The following PROX1 variants were observed in gnomAD, a reference collection of about 807,000 sequenced individuals.
The protein encoded by PROX1 is prospero homeobox 1.
Under a neutral mutation model 58.8 loss-of-function variants are expected in PROX1, and 7 were observed. The observed-to-expected ratio is 0.12, with a 90% confidence interval of 0.07 to 0.22. PROX1 has a LOEUF of 0.22. Ranked by LOEUF, PROX1 falls within the 10% of genes least tolerant of loss-of-function variation. The pLI is 1.00. For missense variants in PROX1, 675 were observed against 927.8 expected (o/e 0.73, Z 3.54); for synonymous variants, 350 against 358.3 (o/e 0.98, Z 0.26).
intron 3 of PROX1, among the ~76,000 whole-genome samples, chr1:214,006,594 T>G (rs1663722530): frequency 6.6e-6 from 1 of 152,136 alleles, no homozygotes; most frequent in African/African-American, 2.4e-5. Flanking sequence ...GGGTTTGGGC[T>G]TTGTAGAGGA....
At chr1:214,027,948 T>C (rs1202302470) in intron 4 of PROX1, among the ~76,000 whole-genome samples, 1 of 151,956 alleles carries the variant, frequency 6.6e-6, no homozygotes, top group Non-Finnish European at 1.5e-5. Flanking sequence ...GGTTTTTTTT[T>C]TTCTTAAGAC....
At chr1:214,005,373 C>A in intron 3 of PROX1, 101 bp downstream of exon 3, 1 of 871,524 alleles carries the variant, frequency 1.1e-6, no homozygotes, top group Non-Finnish European at 1.8e-6. Flanking sequence ...TTGGTTTATT[C>A]CTACACCTGT....
chr1:214,005,960 G>GTGTA lies in PROX1; in HGVS notation c.1833+692_1833+695dup, dbSNP rs542966981. Reference sequence around the variant, plus strand: ...TGTGTATGCGTGTGTGTGTGTGTGTGTGTATGTGTCTGTGTCTGTGTGTGG... The same window carrying GTGTA: ...TGTGTATGCGTGTGTGTGTGTGTGTGTGTATGTATGTGTCTGTGTCTGTGTGTGG... On this transcript the variant is annotated intron_variant, in intron 3 of 4. Coordinates refer to ENST00000366958, the MANE Select transcript of PROX1 (RefSeq NM_001270616.2). 4.9e-3 allele frequency among the ~76,000 whole-genome samples: 740 copies of GTGTA among 152,104 alleles called. 7 individuals are homozygous for GTGTA. Among genetic ancestry groups the GTGTA allele is most frequent in the Non-Finnish European group, 7.2e-3 (491 of 67,970 alleles).
chr1:214,020,870 GA>G (rs1354002008), intron 4 of PROX1, among the ~76,000 whole-genome samples: 7 of 152,194 alleles, frequency 4.6e-5, no homozygotes, highest in Non-Finnish European at 1.0e-4. Flanking sequence ...ATTGTAATTT[GA>G]AATTCAAGAC....
At chr1:213,985,509 T>C (rs77145708), upstream of PROX1, 5,763 of 152,276 alleles carry the variant, frequency 0.038, 273 homozygotes, top group East Asian at 0.26. Context: ...TCGCCGCTCC[T>C]GCGCCCTAAT....
In PROX1 at chr1:214,036,430, T is replaced by TAATC. The variant is rs971447062; in HGVS notation, c.*598_*601dup. On this transcript the variant is annotated 3_prime_UTR_variant, in exon 5 of 5. Transcript: ENST00000366958. ...AAAAGGCCAAATTAAAAAAGAAAAA[T>TAATC]AATCACTCTCAAGCCTTGTCTAAGA... The TAATC allele has an allele frequency of 1.3e-5, 2 of 151,878 alleles. No homozygotes were observed. The highest frequency in any genetic ancestry group is 6.6e-5 in the Admixed American group (1 of 15,256). The allele number at this position is 151,878 out of a possible 1,614,324, so 9.4% of individuals were successfully genotyped here.
At chr1:214,030,195 TG>T (rs1439092463) in intron 4 of PROX1, 3 of 152,204 alleles carry the variant, frequency 2.0e-5, no homozygotes, top group South Asian at 4.2e-4. Context: ...TAAAAAAAAA[TG>T]GAGGAGGAAG....
chr1:214,026,123 G>T (rs534766044), intron 4 of PROX1, among the ~76,000 whole-genome samples: 13 of 152,270 alleles, frequency 8.5e-5, no homozygotes, highest in Non-Finnish European at 1.3e-4. Context: ...TTTAGTTTTT[G>T]ATGCTTTTTC....
intron 4 of PROX1, among the ~76,000 whole-genome samples, chr1:214,014,595 T>C (rs1664029045): frequency 6.6e-6 from 1 of 152,212 alleles, no homozygotes; most frequent in South Asian, 2.1e-4. Flanking sequence ...TTTACCAAAA[T>C]AGGGCTTATT....
At chr1:214,017,719 C>T (rs766650571) in intron 4 of PROX1, among the ~76,000 whole-genome samples, 7 of 152,182 alleles carry the variant, frequency 4.6e-5, no homozygotes, top group East Asian at 3.9e-4. Flanking sequence ...GCTCTCTCGG[C>T]GGCTGTACCC....
At chr1:213,990,599 G>A (rs923811939) in intron 1 of PROX1, among the ~76,000 whole-genome samples, 1 of 151,536 alleles carries the variant, frequency 6.6e-6, no homozygotes, top group Non-Finnish European at 1.5e-5. Context: ...CTTCCTACCA[G>A]TTTATGCCTA....
chr1:214,015,908 C>CTAAG (rs1338711975), intron 4 of PROX1, among the ~76,000 whole-genome samples: 3 of 152,136 alleles, frequency 2.0e-5, no homozygotes, highest in Non-Finnish European at 4.4e-5. Context: ...TAGGCAGGGT[C>CTAAG]TAAGTTTCCA....
chr1:213,989,129 C>A (rs1281422128), intron 1 of PROX1, among the ~76,000 whole-genome samples: 2 of 152,050 alleles, frequency 1.3e-5, no homozygotes, highest in African/African-American at 4.8e-5. Context: ...CAGCAGAGGA[C>A]CGGGAACTGG....
intron 4 of PROX1, among the ~76,000 whole-genome samples, chr1:214,012,166 A>G (rs1485667827): frequency 6.6e-6 from 1 of 152,206 alleles, no homozygotes; most frequent in African/African-American, 2.4e-5. Context: ...TGGGGGAGTG[A>G]TCATGGTTTC....
chr1:213,991,139 G>A (rs1429989547), intron 1 of PROX1, among the ~76,000 whole-genome samples: 1 of 152,190 alleles, frequency 6.6e-6, no homozygotes. Flanking sequence ...ACATGGACAT[G>A]TATATGTAAT....
chr1:214,034,676 A>G (rs1400635370), intron 4 of PROX1, among the ~76,000 whole-genome samples: 2 of 137,750 alleles, frequency 1.5e-5, no homozygotes, highest in East Asian at 2.0e-4. Context: ...AATTAAGAGA[A>G]CACACACACA....
intron 4 of PROX1, among the ~76,000 whole-genome samples, chr1:214,033,511 T>A (rs1664732378): frequency 6.6e-6 from 1 of 151,886 alleles, no homozygotes. Flanking sequence ...GGCAGGAGAG[T>A]CTCATGAACC....
At chr1:214,020,070 C>T (rs1428064958) in intron 4 of PROX1, among the ~76,000 whole-genome samples, 1 of 152,152 alleles carries the variant, frequency 6.6e-6, no homozygotes, top group East Asian at 1.9e-4. Flanking sequence ...GAATAGCTCG[C>T]CACCATGAAG....
At chr1:213,999,400 T>G (rs1571806621) in intron 2 of PROX1, among the ~76,000 whole-genome samples, 1 of 152,230 alleles carries the variant, frequency 6.6e-6, no homozygotes, top group African/African-American at 2.4e-5. Flanking sequence ...TTTTGAGCAA[T>G]TGTCTTGATG....
Sources: allele counts gnomAD v4.1 joint callset (sites outside exome capture counted in the v4.1 genomes callset), GRCh38; gene constraint gnomAD v4.1.1; transcripts MANE v1.5; gene names NCBI Gene and HGNC (gene_info 2026-07-23, HGNC 2026-07-21).